The following TTBK1 variants were observed in gnomAD, a reference collection of about 807,000 sequenced individuals.
TTBK1 encodes the protein tau tubulin kinase 1, also known as tau-tubulin kinase 1.
A neutral mutation model predicts 108.5 loss-of-function variants in TTBK1; 34 were observed. The observed-to-expected ratio is 0.31, with a 90% CI of 0.24 to 0.42. The LOEUF is 0.42. Among genes scored for constraint, TTBK1 ranks in the 10% least tolerant of loss-of-function variants. The pLI, the probability that TTBK1 is intolerant of heterozygous loss-of-function variation, is 1.00. For missense variants in TTBK1, 1,539 were observed against 1,826.0 expected (o/e 0.84, Z 2.86); for synonymous variants, 809 against 795.1 (o/e 1.02, Z -0.29).
chr6:43,282,717 C>A lies in TTBK1; in HGVS notation c.1987-10C>A, dbSNP rs1286711544. ...TGACCTCAGAGGGTCCCTGTGTATGCCCCTTGCAGGTGTTCTCCGTGGCGC... is the reference window on the plus strand; with the variant it reads ...TGACCTCAGAGGGTCCCTGTGTATGACCCTTGCAGGTGTTCTCCGTGGCGC... On this transcript the variant is annotated splice_polypyrimidine_tract_variant and intron_variant, in intron 13 of 14. Transcript: ENST00000259750. The surrounding 1 kb of genome is among the most constrained non-coding windows in gnomAD (Gnocchi z 5.4). 4 of 1,589,474 alleles carry A rather than the reference C, an allele frequency of 2.5e-6. No individual in the cohort carries two copies. The East Asian group carries it at 6.7e-5, about 27-fold the overall frequency.
rs1777294192 is a variant in TTBK1 at position 43,253,254 on chromosome 6, G to A, written c.257-37G>A. On this transcript the variant is annotated intron_variant, in intron 3 of 14. Transcript: ENST00000259750. This position sits in a 1 kb window ranked among gnomAD's most constrained non-coding sequence, Gnocchi z 5.8. ...CTTAGGGTTGGAAATGAGGAAGAAA[G>A]AGTAAGAGCTGGAAGACCTATGTCT... is the stretch of plus-strand genomic sequence containing the variant. 1.2e-6 allele frequency: 2 copies of A among 1,608,872 alleles called. No homozygotes were observed. The highest frequency in any genetic ancestry group is 1.7e-6 in the Non-Finnish European group (2 of 1,175,414).
Position 43,269,607 on chromosome 6 carries a change from C to T in TTBK1, c.1986+6257C>T. On this transcript the variant is annotated intron_variant, in intron 13 of 14. Coordinates refer to ENST00000259750, the MANE Select transcript of TTBK1 (RefSeq NM_032538.3). This position sits in a 1 kb window ranked among gnomAD's most constrained non-coding sequence, Gnocchi z 4.8. ...ACGGAGCTGTCGAGTCTGTGCCTGA[C>T]ACCTCTTTTCCCTCCACTTTCTTGG... The T allele has an allele frequency of 6.3e-7, 1 of 1,585,904 alleles. No homozygotes were observed. Among genetic ancestry groups the T allele is most frequent in the East Asian group, 2.3e-5 (1 of 43,860 alleles).
rs774455336 is a variant in TTBK1 at position 43,252,867 on chromosome 6, C to G, written c.237C>G (p.Ala79=). Residue 79 remains alanine, a synonymous_variant, in exon 3 of 15, where the codon GCC becomes GCG. Transcript: ENST00000259750. ...QPKQVLKMEV[A]VLKKLQGKDH... is the part of the protein sequence containing the mutation. ...AGCAGGTCCTCAAGATGGAGGTGGC[C>G]GTGCTCAAGAAGTTGCAAGGTTCGG... The G allele has an allele frequency of 1.1e-5, 17 of 1,613,392 alleles. No individual in the cohort carries two copies. The Admixed American group carries it at 1.7e-4, about 16-fold the overall frequency.
intron 12 of TTBK1, among the ~76,000 whole-genome samples, chr6:43,261,984 C>T (rs372044964): frequency 1.2e-4 from 19 of 152,064 alleles, no homozygotes; most frequent in Non-Finnish European, 1.3e-4. Flanking sequence ...AGAGATAGAA[C>T]GCACTAATCC....
In TTBK1 at chr6:43,283,613, G is replaced by A. The variant is rs777355116; in HGVS notation, c.2873G>A (p.Gly958Asp). ...CGGTCTGAGGAGTTCAGCGCTGGGG[G>A]CGAGCTGGGTCTGGAGCTGGCCTCT... ...ALRSEEFSAG[G>D]ELGLELASDG... Residue 958 changes from glycine to aspartate, a missense_variant, in exon 14 of 15, where the codon GGC becomes GAC. Gly to Asp is a moderately conservative substitution (Grantham distance 94). Transcript: ENST00000259750. This position sits in a 1 kb window ranked among gnomAD's most constrained non-coding sequence, Gnocchi z 8.1. The A allele has an allele frequency of 1.9e-6, 3 of 1,614,140 alleles. No individual in the cohort carries two copies. The highest frequency in any genetic ancestry group is 4.5e-5 in the East Asian group (2 of 44,886).
At chr6:43,275,226 G>A (rs1266530137) in intron 13 of TTBK1, among the ~76,000 whole-genome samples, 1 of 151,726 alleles carries the variant, frequency 6.6e-6, no homozygotes, top group Non-Finnish European at 1.5e-5. Context: ...CCGCCCCCGC[G>A]GCCAGCGCCA....
chr6:43,284,161 G>C lies in TTBK1; in HGVS notation c.3421G>C (p.Ala1141Pro). The change falls in exon 14 of 15, where the codon GCC becomes CCC. Residue 1141 changes from alanine (A) to proline (P), a missense_variant. Physicochemically the swap from Ala to Pro is conservative, Grantham distance 27. This residue lies in a region of TTBK1 where 1,055 missense variants were observed against 1,086.5 expected (regional missense o/e 0.97). Transcript: ENST00000259750. The part of the protein sequence containing the change: ...EDTPASEPAA[A>P]LPRKSGRAAA... ...CACGCCCGCCTCTGAGCCGGCAGCG[G>C]CCTTGCCCAGGAAGAGCGGGAGGGC... 1.3e-6 allele frequency: 2 copies of C among 1,553,792 alleles called. No homozygotes were observed. The highest frequency in any genetic ancestry group is 1.7e-6 in the Non-Finnish European group (2 of 1,156,814).
Position 43,285,539 on chromosome 6 carries a change from G to A in TTBK1, c.*163G>A. 1 of 986,396 alleles carries A rather than the reference G, an allele frequency of 1.0e-6. No homozygotes were observed. The allele number at this position is 986,396 out of a possible 1,614,324, so 61.1% of individuals were successfully genotyped here. A position where few individuals can be genotyped will look rare whatever the true frequency, so the allele number is the denominator to read the frequency against. ...GCGAGGACGCGCGCGAGCACACGCG[G>A]CGCCCCGCCAGGCCTTAGGGCCCGT... On this transcript the variant is annotated 3_prime_UTR_variant, in exon 15 of 15. Coordinates refer to ENST00000259750, the MANE Select transcript of TTBK1 (RefSeq NM_032538.3). The surrounding 1 kb of genome is among the most constrained non-coding windows in gnomAD (Gnocchi z 4.7).
chr6:43,264,083 AT>A (rs1273113532), intron 13 of TTBK1, among the ~76,000 whole-genome samples: 1 of 152,158 alleles, frequency 6.6e-6, no homozygotes, highest in Non-Finnish European at 1.5e-5. Flanking sequence ...GAGAATTCAG[AT>A]TTAAATACAA....
At position 43,252,222 on chromosome 6, in the gene TTBK1, G is replaced by A. The variant is rs866011645; in HGVS notation, c.109-517G>A. 6.1e-3 allele frequency among the ~76,000 whole-genome samples: 899 copies of A among 148,116 alleles called. 5 individuals carry two copies. Among genetic ancestry groups the A allele is most frequent in the Middle Eastern group, 0.028 (8 of 288 alleles). On this transcript the variant is annotated intron_variant, in intron 2 of 14. Transcript: ENST00000259750. The stretch of plus-strand genomic sequence containing the variant: ...TGTGTGTGTGTGTGTGTGTGTGTGT[G>A]TGTATGGTTGCTCAGGAGCTGAGCT...
Position 43,269,756 on chromosome 6 carries a change from C to T in TTBK1, c.1986+6406C>T. 6.3e-7 allele frequency: 1 copy of T among 1,599,714 alleles called. No homozygotes were observed. Among genetic ancestry groups the T allele is most frequent in the Non-Finnish European group, 8.5e-7 (1 of 1,176,668 alleles). ...TGGAGACGGAGCATTACCCTCACCC[C>T]GGCGGCGGCGGCTCCTCGGGCTCCT... is the stretch of plus-strand genomic sequence containing the variant. On this transcript the variant is annotated intron_variant, in intron 13 of 14. Coordinates refer to ENST00000259750, the MANE Select transcript of TTBK1 (RefSeq NM_032538.3). The surrounding 1 kb of genome is among the most constrained non-coding windows in gnomAD (Gnocchi z 4.8).
chr6:43,282,633 C>A lies in TTBK1; in HGVS notation c.1987-94C>A. On this transcript the variant is annotated intron_variant, in intron 13 of 14. Transcript: ENST00000259750. The surrounding 1 kb of genome is among the most constrained non-coding windows in gnomAD (Gnocchi z 5.4). ...CTCACACTCTGGTAGACGACCTGGG[C>A]CTGTGAGTCTCCTAGGTTGTGGGTG... The A allele has an allele frequency of 1.9e-6, 2 of 1,053,092 alleles. No individual in the cohort carries two copies. The highest frequency in any genetic ancestry group is 1.4e-6 in the Non-Finnish European group (1 of 710,064). 65.2% of individuals were successfully genotyped at this position (1,053,092 alleles called of 1,614,324 possible).
At chr6:43,249,306 T>C (rs1777178836) in intron 2 of TTBK1, among the ~76,000 whole-genome samples, 1 of 152,078 alleles carries the variant, frequency 6.6e-6, no homozygotes, top group Non-Finnish European at 1.5e-5. Context: ...TATTGTGTCA[T>C]ATTTCTCCTC....
chr6:43,253,169 C>A lies in TTBK1; in HGVS notation c.257-122C>A. ...GGCTAGGGCCAGGGAGGTGGCAAGA[C>A]AGGTGCTCACAGGGCCAGCACTGGA... On this transcript the variant is annotated intron_variant, in intron 3 of 14. Transcript: ENST00000259750. The surrounding 1 kb of genome is among the most constrained non-coding windows in gnomAD (Gnocchi z 5.8). 9.0e-7 allele frequency: 1 copy of A among 1,112,280 alleles called. No individual in the cohort carries two copies. The highest frequency in any genetic ancestry group is 1.4e-6 in the Non-Finnish European group (1 of 733,582). The allele number at this position is 1,112,280 out of a possible 1,614,324, so 68.9% of individuals were successfully genotyped here. A position where few individuals can be genotyped will look rare whatever the true frequency, so the allele number is the denominator to read the frequency against.
In TTBK1 at chr6:43,276,181, T is replaced by G. The variant is rs1203653590; in HGVS notation, c.1987-6546T>G. ...TAAGTCCTTCCCTCGACCCCCCATT[T>G]TGTACTGCAATAATACTGTATTATA... On this transcript the variant is annotated intron_variant, in intron 13 of 14. Coordinates refer to ENST00000259750, the MANE Select transcript of TTBK1 (RefSeq NM_032538.3). The surrounding 1 kb of genome is among the most constrained non-coding windows in gnomAD (Gnocchi z 5.4). Among the ~76,000 whole-genome samples the G allele has an allele frequency of 1.3e-5, 2 of 152,210 alleles. No homozygotes were observed. The highest frequency in any genetic ancestry group is 2.4e-5 in the African/African-American group (1 of 41,444).
In TTBK1 at chr6:43,263,585, C is replaced by T. The variant is rs540527362; in HGVS notation, c.1986+235C>T. ...AGTCTGGCACTATGAGCAGTGAAGC[C>T]AAGTGACAAGGCAGGAGAAGGGCCT... On this transcript the variant is annotated intron_variant, in intron 13 of 14. Coordinates refer to ENST00000259750, the MANE Select transcript of TTBK1 (RefSeq NM_032538.3). The surrounding 1 kb of genome is among the most constrained non-coding windows in gnomAD (Gnocchi z 4.7). Among the ~76,000 whole-genome samples, 61 of 152,320 alleles carry T rather than the reference C, an allele frequency of 4.0e-4. No homozygotes were observed. Among genetic ancestry groups the T allele is most frequent in the Non-Finnish European group, 6.0e-4 (41 of 68,036 alleles).
rs2150685770 is a variant in TTBK1, at chr6:43,253,292, G to A, written c.258G>A (p.Gly86=). 1.2e-6 allele frequency: 2 copies of A among 1,614,116 alleles called. No homozygotes were observed. Among genetic ancestry groups the A allele is most frequent in the Non-Finnish European group, 8.5e-7 (1 of 1,180,000 alleles). Reference sequence around the variant, plus strand: ...AAGACCTATGTCTGTGCCCCTCAGGGAAGGACCATGTGTGCAGGTTCATTG... The same window carrying A: ...AAGACCTATGTCTGTGCCCCTCAGGAAAGGACCATGTGTGCAGGTTCATTG... ...MEVAVLKKLQ[G]KDHVCRFIGC... Residue 86 remains glycine, a splice_region_variant and synonymous_variant, in exon 4 of 15, where the codon GGG becomes GGA. Transcript: ENST00000259750. This position sits in a 1 kb window ranked among gnomAD's most constrained non-coding sequence, Gnocchi z 5.8.
chr6:43,277,238 C>T (rs1778025622), intron 13 of TTBK1, among the ~76,000 whole-genome samples: 1 of 151,910 alleles, frequency 6.6e-6, no homozygotes, highest in Non-Finnish European at 1.5e-5. Context: ...GGGTGGCCCG[C>T]CAAGGAGGGA....
chr6:43,252,041 G>C (rs531508664), intron 2 of TTBK1, among the ~76,000 whole-genome samples: 22 of 152,246 alleles, frequency 1.4e-4, no homozygotes, highest in African/African-American at 5.3e-4. Flanking sequence ...TCTACACAGG[G>C]GATGGGGGAA....
Sources: gnomAD v4.1 joint callset for allele counts (sites outside exome capture counted in the v4.1 genomes callset) on GRCh38, gnomAD v4.1.1 for gene constraint, gnomAD v4.1.1 regional missense constraint, Gnocchi (gnomAD v3.1) non-coding constraint, MANE v1.5 for transcripts, NCBI Gene and HGNC (gene_info 2026-07-23, HGNC 2026-07-21) for gene names.